RETSAT: variants seen among roughly 807,000 people sequenced by gnomAD.
RETSAT encodes the protein all-trans-retinol 13,14-reductase.
RETSAT carries 35 observed loss-of-function variants against 61.6 expected under a neutral mutation model. The observed-to-expected ratio is 0.57, with a 90% CI of 0.43 to 0.75. RETSAT has a LOEUF of 0.75. RETSAT is among the 30% of genes least tolerant of loss of function. The probability of loss-of-function intolerance (pLI) is 0.00; values close to 1 mark genes in which losing one functional copy is unlikely to be tolerated. For missense variants in RETSAT, 670 were observed against 759.5 expected (o/e 0.88, Z 1.38); for synonymous variants, 277 against 310.4 (o/e 0.89, Z 1.13).
intron 7 of RETSAT, 113 bp from the exon 8 acceptor site, chr2:85,344,461 C>T: frequency 6.5e-7 from 1 of 1,528,786 alleles, no homozygotes; most frequent in South Asian, 1.2e-5. Context: ...AGCTGAGCCA[C>T]AGCCTTGGCG....
intron 6 of RETSAT, among the ~76,000 whole-genome samples, chr2:85,345,228 G>A (rs552972984): frequency 1.2e-4 from 18 of 152,276 alleles, no homozygotes; most frequent in Non-Finnish European, 2.1e-4. Flanking sequence ...AGAGGCTGGC[G>A]CTGGTGAAAT....
Position 85,351,071 on chromosome 2 carries a change from C to A in RETSAT, c.356-50G>T, listed in dbSNP as rs373910182. 259 of 1,602,574 alleles carry A rather than the reference C, an allele frequency of 1.6e-4. 1 individual carries two copies. The highest frequency in any genetic ancestry group is 2.1e-4 in the Non-Finnish European group (246 of 1,173,030). The stretch of plus-strand genomic sequence containing the variant: ...TAGTAAAGGGATATGGGGATTGAGC[C>A]CTGGAAAGGTGGCTGAGGAAGTGAG... On this transcript the variant is annotated intron_variant, in intron 2 of 10. Coordinates refer to ENST00000295802, the MANE Select transcript of RETSAT (RefSeq NM_017750.4).
At position 85,342,596 on chromosome 2, in the gene RETSAT, T is replaced by C. The variant is rs1450289785; in HGVS notation, c.*646A>G. 1.3e-5 allele frequency: 2 copies of C among 152,546 alleles called. No homozygotes were observed. Among genetic ancestry groups the C allele is most frequent in the African/African-American group, 2.4e-5 (1 of 41,438 alleles). 9.4% of individuals were successfully genotyped at this position (152,546 alleles called of 1,614,324 possible). A position where few individuals can be genotyped will look rare whatever the true frequency, so the allele number is the denominator to read the frequency against. On this transcript the variant is annotated 3_prime_UTR_variant, in exon 11 of 11. Coordinates refer to ENST00000295802, the MANE Select transcript of RETSAT (RefSeq NM_017750.4). The stretch of plus-strand genomic sequence containing the variant: ...TCCATATGAATTGGATATGATCATC[T>C]GACATGCACCCTACTAACTGATGGA...
rs374227219 is a variant in RETSAT, at chr2:85,350,995, C to G, written c.382G>C (p.Glu128Gln). The change falls in exon 3 of 11, where the codon GAG becomes CAG. Residue 128 changes from glutamate (E) to glutamine (Q), a missense_variant. Transcript: ENST00000295802. ...TGIHYIGRMEEGSIGRFILDQ... is the reference protein window; with the variant it reads ...TGIHYIGRMEQGSIGRFILDQ... ...AAGATAAAACGGCCAATGCTGCCCT[C>G]TTCCATACGCCCAATGTAATGGATT... The G allele has an allele frequency of 1.2e-6, 2 of 1,614,076 alleles. No homozygotes were observed. Among genetic ancestry groups the G allele is most frequent in the African/African-American group, 1.3e-5 (1 of 74,914 alleles).
chr2:85,349,001 G>A (rs958007172), intron 5 of RETSAT, among the ~76,000 whole-genome samples: 6 of 151,172 alleles, frequency 4.0e-5, no homozygotes, highest in Non-Finnish European at 7.4e-5. Flanking sequence ...TGCCCGCCTC[G>A]GCCTCCCAAA....
intron 3 of RETSAT, 52 bp from the exon 4 acceptor site, chr2:85,350,293 G>T: frequency 7.2e-7 from 1 of 1,379,522 alleles, no homozygotes; most frequent in Non-Finnish European, 1.0e-6. Flanking sequence ...CGCTTTGACA[G>T]AACTGCTATC....
chr2:85,349,334 C>T, intron 5 of RETSAT, 50 bp downstream of exon 5: 2 of 1,596,644 alleles, frequency 1.3e-6, no homozygotes, highest in Non-Finnish European at 1.7e-6. Flanking sequence ...CCAGGTCTCG[C>T]CCACACCAAC....
chr2:85,354,357 T>C lies in RETSAT; in HGVS notation c.151A>G (p.Arg51Gly), dbSNP rs1227034440. ...CTACCTTGTTTGAGAACCTTCTTCC[T>C]GGCCTCCTTGTCAGTTACCAGGGGC... ...PAPLVTDKEA[R>G]KKVLKQAFSA... The change falls in exon 1 of 11, where the codon AGG becomes GGG. Residue 51 changes from arginine to glycine, a missense_variant. Transcript: ENST00000295802. 5 of 1,614,140 alleles carry C rather than the reference T, an allele frequency of 3.1e-6. No homozygotes were observed. In the Admixed American group the frequency reaches 8.3e-5, roughly 27 times the overall value.
In RETSAT at chr2:85,343,991, C is replaced by T. The variant is rs759951037; in HGVS notation, c.1533+8G>A. 3 of 1,613,786 alleles carry T rather than the reference C, an allele frequency of 1.9e-6. No homozygotes were observed. The highest frequency in any genetic ancestry group is 2.5e-6 in the Non-Finnish European group (3 of 1,179,826). On this transcript the variant is annotated splice_region_variant and intron_variant, in intron 9 of 10. Transcript: ENST00000295802. Reference sequence around the variant, plus strand: ...GTTCGTCACCACCCCAAATACTTTACCCCCTACCTTCCCCTCCAGCTGTGG... The same window carrying T: ...GTTCGTCACCACCCCAAATACTTTATCCCCTACCTTCCCCTCCAGCTGTGG...
intron 5 of RETSAT, among the ~76,000 whole-genome samples, chr2:85,347,638 G>A (rs1033177353): frequency 6.6e-6 from 1 of 152,256 alleles, no homozygotes; most frequent in Non-Finnish European, 1.5e-5. Flanking sequence ...AAAGTGCTGG[G>A]ATTACAGGCA....
intron 3 of RETSAT, 30 bp downstream of exon 3, chr2:85,350,750 A>G: frequency 6.2e-7 from 1 of 1,613,476 alleles, no homozygotes; most frequent in Non-Finnish European, 8.5e-7. Flanking sequence ...ATCGAGAACA[A>G]ACTCTGGGTC....
Position 85,349,473 on chromosome 2 carries a change from G to A in RETSAT, c.908C>T (p.Thr303Ile). 6.2e-7 allele frequency: 1 copy of A among 1,614,214 alleles called. No homozygotes were observed. The highest frequency in any genetic ancestry group is 8.5e-7 in the Non-Finnish European group (1 of 1,180,036). The change falls in exon 5 of 11, where the codon ACC becomes ATC. Residue 303 changes from threonine to isoleucine, a missense_variant. By Grantham distance (89) the Thr-to-Ile change is moderately conservative. Transcript: ENST00000295802. ...CCCAGCCCGCTGAATCACAGGGATG[G>A]TGTGGAAGGCAATTTCACTGGAACC... is the stretch of plus-strand genomic sequence containing the variant. ...RGGSSEIAFHTIPVIQRAGGA... is the reference protein window; with the variant it reads ...RGGSSEIAFHIIPVIQRAGGA...
chr2:85,350,404 C>G (rs537311297), intron 3 of RETSAT, among the ~76,000 whole-genome samples, 163 bp from the exon 4 acceptor site: 1 of 152,288 alleles, frequency 6.6e-6, no homozygotes, highest in East Asian at 1.9e-4. Context: ...GTGAATTTTT[C>G]CCATCCTACA....
chr2:85,350,600 CAG>C (rs1048599557), intron 3 of RETSAT, among the ~76,000 whole-genome samples, 178 bp downstream of exon 3: 3 of 151,642 alleles, frequency 2.0e-5, no homozygotes, highest in South Asian at 2.1e-4. Flanking sequence ...GCCAAGGCTC[CAG>C]AGAGAGAGAG....
rs778204911 is a variant in RETSAT at position 85,349,384 on chromosome 2, C to T, written c.997G>A (p.Gly333Ser). 2 of 1,614,012 alleles carry T rather than the reference C, an allele frequency of 1.2e-6. No individual in the cohort carries two copies. Among genetic ancestry groups the T allele is most frequent in the Non-Finnish European group, 1.7e-6 (2 of 1,179,946 alleles). The change falls in exon 5 of 11, where the codon GGT (glycine) becomes AGT (serine). Residue 333 changes from glycine to serine, a missense_variant and splice_region_variant. Gly to Ser is a moderately conservative substitution (Grantham distance 56). Transcript: ENST00000295802. ...GGGCAGGGCGGGGCAGGGCTCTCAC[C>T]ACAGGCTTTCCCAGCTGAGTCCAGC... ...VLLDSAGKAC[G>S]VSVKKGHELV...
chr2:85,348,429 G>C (rs1398503602), intron 5 of RETSAT, among the ~76,000 whole-genome samples: 3 of 152,024 alleles, frequency 2.0e-5, no homozygotes, highest in Non-Finnish European at 2.9e-5. Flanking sequence ...AGGAGATTGA[G>C]ACCATCCTGG....
chr2:85,351,812 T>G lies in RETSAT; in HGVS notation c.223A>C (p.Ser75Arg). Residue 75 changes from serine (S) to arginine (R), a missense_variant, in exon 2 of 11, where the codon AGT (serine) becomes CGT (arginine). Physicochemically the swap from Ser to Arg is moderately radical, Grantham distance 110. Coordinates refer to ENST00000295802, the MANE Select transcript of RETSAT (RefSeq NM_017750.4). Reference protein sequence around the residue: ...PEKLDVVVIGSGFGGLAAAAI... With the variant: ...PEKLDVVVIGRGFGGLAAAAI... The stretch of plus-strand genomic sequence containing the variant: ...GCTGCAGCCAGGCCCCCAAAGCCAC[T>G]GCCAATTACCACCACATCCAGCTTC... 1 of 1,614,166 alleles carries G rather than the reference T, an allele frequency of 6.2e-7. No individual in the cohort carries two copies. The highest frequency in any genetic ancestry group is 1.1e-5 in the South Asian group (1 of 91,084).
At chr2:85,344,968 C>G (rs1279014574) in intron 6 of RETSAT, among the ~76,000 whole-genome samples, 1 of 152,198 alleles carries the variant, frequency 6.6e-6, no homozygotes, top group Non-Finnish European at 1.5e-5. Flanking sequence ...GCGGGAGGGA[C>G]AGATGACTGT....
rs1573060076 is a variant in RETSAT at position 85,342,687 on chromosome 2, G to A, written c.*555C>T. On this transcript the variant is annotated 3_prime_UTR_variant, in exon 11 of 11. Transcript: ENST00000295802. ...ACACAGGCATTTCCTGTCCCCTGAA[G>A]AGCCACTGAACCCAGCACAAAAGAG... The A allele has an allele frequency of 6.5e-6, 1 of 153,058 alleles. No individual in the cohort carries two copies. The highest frequency in any genetic ancestry group is 1.9e-4 in the East Asian group (1 of 5,212). 9.5% of individuals were successfully genotyped at this position (153,058 alleles called of 1,614,324 possible). A position where few individuals can be genotyped will look rare whatever the true frequency, so the allele number is the denominator to read the frequency against.
Sources: gnomAD v4.1 joint callset for allele counts (sites outside exome capture counted in the v4.1 genomes callset) on GRCh38, gnomAD v4.1.1 for gene constraint, MANE v1.5 for transcripts, NCBI Gene and HGNC (gene_info 2026-07-23, HGNC 2026-07-21) for gene names.